The following SYT12 variants were observed in gnomAD, a reference collection of about 807,000 sequenced individuals.
The protein encoded by SYT12 is synaptotagmin 12.
A neutral mutation model predicts 39.5 loss-of-function variants in SYT12; 27 were observed. The ratio of observed to expected loss-of-function variants is 0.68; its 90% CI spans 0.50 to 0.94. The LOEUF (loss-of-function observed/expected upper bound fraction) is 0.94, where lower values mean the gene tolerates loss of function less well. SYT12 is among the 40% of genes least tolerant of loss of function. The pLI is 0.00. For missense variants in SYT12, 536 were observed against 572.6 expected (o/e 0.94, Z 0.65); for synonymous variants, 233 against 239.7 (o/e 0.97, Z 0.26).
At chr11:67,045,961 GC>G in intron 7 of SYT12, 84 bp downstream of exon 7, 1 of 1,558,260 alleles carries the variant, frequency 6.4e-7, no homozygotes, top group Non-Finnish European at 8.8e-7. Flanking sequence ...TCTTCTCAGG[GC>G]CCCTGCAGGG....
intron 7 of SYT12, among the ~76,000 whole-genome samples, chr11:67,048,062 A>T (rs1262136447): frequency 2.7e-5 from 4 of 149,322 alleles, no homozygotes; most frequent in Non-Finnish European, 1.5e-5. Flanking sequence ...AAGTGCTGGG[A>T]TTACAGGCGT....
chr11:67,029,154 G>A (rs888321951), intron 1 of SYT12: 1 of 152,174 alleles, frequency 6.6e-6, no homozygotes, highest in South Asian at 2.1e-4. Context: ...AGTCACCTAG[G>A]TTCAGGTAAT....
At chr11:67,019,766 C>T (rs180982088), upstream of SYT12, among the ~76,000 whole-genome samples, 8 of 151,914 alleles carry the variant, frequency 5.3e-5, no homozygotes, top group East Asian at 5.9e-4. Flanking sequence ...TGCGTGGTGG[C>T]GTGAGCCTGT....
At chr11:67,020,598 C>T (rs535894637), upstream of SYT12, among the ~76,000 whole-genome samples, 25 of 152,212 alleles carry the variant, frequency 1.6e-4, no homozygotes, top group Non-Finnish European at 3.4e-4. Flanking sequence ...GTAGGCCCCT[C>T]TAGTCACCAC....
chr11:67,041,112 G>A (rs911923203), intron 4 of SYT12, among the ~76,000 whole-genome samples: 2 of 151,756 alleles, frequency 1.3e-5, no homozygotes, highest in Admixed American at 1.3e-4. Flanking sequence ...GGAGGTTGAG[G>A]CTGCAATGAG....
chr11:67,018,779 C>T (rs575676705), upstream of SYT12, among the ~76,000 whole-genome samples: 1 of 151,400 alleles, frequency 6.6e-6, no homozygotes, highest in South Asian at 2.1e-4. Flanking sequence ...GCTGAGATGG[C>T]GCCGCTGCAC....
At chr11:67,044,392 C>A (rs1950570442) in intron 5 of SYT12, among the ~76,000 whole-genome samples, 1 of 152,138 alleles carries the variant, frequency 6.6e-6, no homozygotes. Context: ...GGGGCATGCT[C>A]CATGCAGTGG....
intron 7 of SYT12, among the ~76,000 whole-genome samples, chr11:67,047,730 G>C (rs900416490): frequency 7.0e-6 from 1 of 141,960 alleles, no homozygotes; most frequent in Non-Finnish European, 1.5e-5. Flanking sequence ...ATCACCTGAG[G>C]TCAGGAGTTC....
In SYT12 at chr11:67,034,800, C is replaced by T; in HGVS notation, c.190C>T (p.Gln64Ter). Residue 64 changes from glutamine to a stop codon, truncating the protein, a stop_gained, in exon 3 of 8, where the codon CAG becomes TAG. Transcript: ENST00000527043. LOFTEE classifies it high-confidence loss of function. ...CAATTACGACTACAGGTACCTTCAG[C>T]AGAAGTACGGCGAGAGCTGCGCAGA... ...FPNYDYRYLQQKYGESCAEAR... is the reference protein window; with the variant it reads ...FPNYDYRYLQ 6.3e-7 allele frequency: 1 copy of T among 1,589,122 alleles called. No individual in the cohort carries two copies. Among genetic ancestry groups the T allele is most frequent in the Non-Finnish European group, 8.5e-7 (1 of 1,170,976 alleles).
At position 67,049,003 on chromosome 11, in the gene SYT12, A is replaced by T; in HGVS notation, c.*246A>T. On this transcript the variant is annotated 3_prime_UTR_variant, in exon 8 of 8. Transcript: ENST00000527043. ...TGGCTGGGCCAGGACAGAGGACTCAACCCTGCTCCTCCCGGTAGGCCAGCT... is the reference window on the plus strand; with the variant it reads ...TGGCTGGGCCAGGACAGAGGACTCATCCCTGCTCCTCCCGGTAGGCCAGCT... 1 of 423,502 alleles carries T rather than the reference A, an allele frequency of 2.4e-6. No homozygotes were observed. Among genetic ancestry groups the T allele is most frequent in the Non-Finnish European group, 4.2e-6 (1 of 236,658 alleles). 26.2% of individuals were successfully genotyped at this position (423,502 alleles called of 1,614,324 possible). A position where few individuals can be genotyped will look rare whatever the true frequency, so the allele number is the denominator to read the frequency against.
In SYT12 at chr11:67,048,591, C is replaced by G; in HGVS notation, c.1100C>G (p.Ser367Cys). The G allele has an allele frequency of 6.3e-7, 1 of 1,599,554 alleles. No individual in the cohort carries two copies. The highest frequency in any genetic ancestry group is 8.6e-7 in the Non-Finnish European group (1 of 1,168,230). Residue 367 changes from serine (S) to cysteine (C), a missense_variant, in exon 8 of 8, where the codon TCT (serine) becomes TGT (cysteine). Transcript: ENST00000527043. ...SVPAIVLQDL[S>C]LRVTVAESSS... is the part of the protein sequence containing the mutation. ...ATGTTGCCTCTTCCTCAGGACCTGT[C>G]TCTCCGCGTGACGGTGGCTGAGAGC...
chr11:67,044,699 A>G lies in SYT12; in HGVS notation c.944A>G (p.Asp315Gly), dbSNP rs192180977. 2 of 1,613,676 alleles carry G rather than the reference A, an allele frequency of 1.2e-6. No individual in the cohort carries two copies. The highest frequency in any genetic ancestry group is 2.2e-5 in the South Asian group (2 of 91,044). The change falls in exon 6 of 8, where the codon GAC (aspartate) becomes GGC (glycine). Residue 315 changes from aspartate (D) to glycine (G), a missense_variant. Transcript: ENST00000527043. Reference protein sequence around the residue: ...VKAKNLIWTNDKTTADPFVKV... With the variant: ...VKAKNLIWTNGKTTADPFVKV... ...GCCAAGAACCTCATCTGGACCAACG[A>G]CAAGACCACAGCGGGTAAGGCCCAG...
chr11:67,044,554 G>A (rs1384764003), intron 5 of SYT12, 39 bp from the exon 6 acceptor site: 1 of 1,602,838 alleles, frequency 6.2e-7, no homozygotes, highest in Admixed American at 1.7e-5. Context: ...CTCAAGTCGG[G>A]TGGGGAGAAG....
intron 6 of SYT12, 84 bp downstream of exon 6, chr11:67,044,797 C>A: frequency 1.3e-6 from 2 of 1,576,014 alleles, no homozygotes; most frequent in Middle Eastern, 3.4e-4. Flanking sequence ...CACCCGGAGG[C>A]ATCGGCAGGT....
At chr11:67,043,957 C>T in intron 5 of SYT12, 104 bp downstream of exon 5, 1 of 1,097,098 alleles carries the variant, frequency 9.1e-7, no homozygotes, top group Non-Finnish European at 1.3e-6. Flanking sequence ...AGCCTGAGCC[C>T]CATCATCATT....
At chr11:67,029,801 G>T in intron 1 of SYT12, 1 of 216,584 alleles carries the variant, frequency 4.6e-6, no homozygotes, top group Non-Finnish European at 9.1e-6. Flanking sequence ...GCAGTGAGCC[G>T]AGATCGCGCC....
upstream of SYT12, among the ~76,000 whole-genome samples, chr11:67,022,170 A>C (rs892119765): frequency 6.6e-6 from 1 of 151,938 alleles, no homozygotes; most frequent in Admixed American, 6.6e-5. Context: ...TGTCTTCTAG[A>C]CCAAGGATGC....
Position 67,025,604 on chromosome 11 carries a change from C to T in SYT12, c.-24+2144C>T, listed in dbSNP as rs544530047. Reference sequence around the variant, plus strand: ...ACAGTCCTTCTGCCTGGCAGACCTCCAGGCTGCCAGCGGGAGCCCACTGAG... The same window carrying T: ...ACAGTCCTTCTGCCTGGCAGACCTCTAGGCTGCCAGCGGGAGCCCACTGAG... On this transcript the variant is annotated intron_variant, in intron 1 of 7. Coordinates refer to ENST00000527043, the MANE Select transcript of SYT12 (RefSeq NM_177963.4). Among the ~76,000 whole-genome samples the T allele has an allele frequency of 5.9e-5, 9 of 152,268 alleles. 1 individual carries two copies. The South Asian group carries it at 1.9e-3, about 32-fold the overall frequency.
At position 67,035,837 on chromosome 11, in the gene SYT12, CCTTTCTTT is replaced by C. The variant is rs1157424282; in HGVS notation, c.228+1037_228+1044del. ...TCCTTCCTTCCTTCCTTCCTTCCTT[CCTTTCTTT>C]CTTTCTTTCTTTCTTTCTTTCTTTC... On this transcript the variant is annotated intron_variant, in intron 3 of 7. Coordinates refer to ENST00000527043, the MANE Select transcript of SYT12 (RefSeq NM_177963.4). 4.2e-3 allele frequency among the ~76,000 whole-genome samples: 471 copies of C among 110,996 alleles called. 11 individuals are homozygous for C. The highest frequency in any genetic ancestry group is 8.4e-3 in the Middle Eastern group (2 of 238). 72.8% of individuals were successfully genotyped at this position (110,996 alleles called of 152,430 possible).
Sources: gnomAD v4.1 joint callset for allele counts (sites outside exome capture counted in the v4.1 genomes callset) on GRCh38, gnomAD v4.1.1 for gene constraint, MANE v1.5 for transcripts, NCBI Gene and HGNC (gene_info 2026-07-23, HGNC 2026-07-21) for gene names.